The following CDC7 variants were observed in gnomAD, a reference collection of about 807,000 sequenced individuals.
CDC7 encodes the protein cell division cycle 7.
Under a neutral mutation model 53.5 loss-of-function variants are expected in CDC7, and 34 were observed. The observed-to-expected ratio is 0.64, with a 90% confidence interval of 0.48 to 0.85. The LOEUF is 0.85. Ranked by LOEUF, CDC7 falls within the 40% of genes least tolerant of loss-of-function variation. The probability of loss-of-function intolerance (pLI) is 0.00; values close to 1 mark genes in which losing one functional copy is unlikely to be tolerated. For synonymous variants in CDC7, 211 were observed against 222.8 expected, an observed-to-expected ratio of 0.95 and a Z score of 0.47; for missense variants, 594 against 679.7, an observed-to-expected ratio of 0.87 and a Z score of 1.40.
chr1:91,512,768 G>A (rs1490415680), intron 6 of CDC7, among the ~76,000 whole-genome samples: 1 of 152,012 alleles, frequency 6.6e-6, no homozygotes, highest in Admixed American at 6.6e-5. Context: ...CACCATCAGA[G>A]AACAACGGAC....
chr1:91,504,131 T>C (rs1666854226), intron 2 of CDC7, among the ~76,000 whole-genome samples: 1 of 148,594 alleles, frequency 6.7e-6, no homozygotes, highest in Non-Finnish European at 1.5e-5. Flanking sequence ...TGAGACATGG[T>C]CTCTCTGTCA....
chr1:91,501,126 C>T (rs966714226), intron 1 of CDC7, 178 bp downstream of exon 1: 1 of 152,296 alleles, frequency 6.6e-6, no homozygotes, highest in South Asian at 2.1e-4. Flanking sequence ...CGGTCTCTGG[C>T]CCGAGGGAAG....
rs1176579643 is a variant in CDC7 at position 91,501,742 on chromosome 1, T to C, written c.26T>C (p.Met9Thr). Residue 9 changes from methionine (M) to threonine (T), a missense_variant, in exon 2 of 12, where the codon ATG (methionine) becomes ACG (threonine). Physicochemically the swap from Met to Thr is moderately conservative, Grantham distance 81. Transcript: ENST00000234626. ...ATGGAGGCGTCTTTGGGGATTCAGA[T>C]GGATGAGCCAATGGCTTTTTCTCCC... MEASLGIQ[M>T]DEPMAFSPQR... is the part of the protein sequence containing the mutation. 2.5e-6 allele frequency: 4 copies of C among 1,613,944 alleles called. No homozygotes were observed. The highest frequency in any genetic ancestry group is 3.4e-6 in the Non-Finnish European group (4 of 1,179,988).
chr1:91,504,941 TAGAC>T (rs372077207), intron 2 of CDC7, among the ~76,000 whole-genome samples: 14 of 152,082 alleles, frequency 9.2e-5, no homozygotes, highest in Admixed American at 1.3e-4. Flanking sequence ...AGTTAGACAA[TAGAC>T]AGAGAGTAAA....
intron 9 of CDC7, 106 bp downstream of exon 9, chr1:91,515,103 T>G: frequency 1.3e-6 from 1 of 769,592 alleles, no homozygotes; most frequent in Middle Eastern, 2.4e-4. Flanking sequence ...TTCAGATCAG[T>G]GAACTGCAAT....
intron 2 of CDC7, 113 bp from the exon 3 acceptor site, chr1:91,507,741 G>C: frequency 2.9e-6 from 2 of 700,252 alleles, no homozygotes; most frequent in Non-Finnish European, 4.6e-6. Context: ...TAAAACTTAT[G>C]TATAATTAAT....
At chr1:91,512,393 CAGACTT>C (rs13447508) in intron 6 of CDC7, among the ~76,000 whole-genome samples, 42,885 of 151,600 alleles carry the variant, frequency 0.28, 6,226 homozygotes, top group East Asian at 0.47. Context: ...CATGAACTAA[CAGACTT>C]AGAGTCTAAT....
In CDC7 at chr1:91,501,659, T is replaced by C; in HGVS notation, c.-58T>C. ...TAGTGTTCTAATTTTCACAGCTGCT[T>C]TGCTCCCCCTGTGGATGTAACCCCT... On this transcript the variant is annotated 5_prime_UTR_variant, in exon 2 of 12. Coordinates refer to ENST00000234626, the MANE Select transcript of CDC7 (RefSeq NM_003503.4). 1.7e-6 allele frequency: 2 copies of C among 1,206,310 alleles called. No individual in the cohort carries two copies. Among genetic ancestry groups the C allele is most frequent in the Non-Finnish European group, 2.4e-6 (2 of 818,782 alleles). The allele number at this position is 1,206,310 out of a possible 1,614,324, so 74.7% of individuals were successfully genotyped here.
chr1:91,507,690 T>G (rs1196085687), intron 2 of CDC7, among the ~76,000 whole-genome samples, 164 bp from the exon 3 acceptor site: 2 of 152,162 alleles, frequency 1.3e-5, no homozygotes, highest in Non-Finnish European at 2.9e-5. Flanking sequence ...TGTGTGTGAG[T>G]TATAGCAACT....
chr1:91,521,603 T>C (rs867808604), intron 11 of CDC7, among the ~76,000 whole-genome samples: 14 of 152,230 alleles, frequency 9.2e-5, no homozygotes, highest in African/African-American at 1.4e-4. Flanking sequence ...ATGGCATTCT[T>C]ACATAATAAT....
intron 9 of CDC7, 105 bp from the exon 10 acceptor site, chr1:91,515,689 A>T: frequency 7.7e-7 from 1 of 1,301,762 alleles, no homozygotes; most frequent in Non-Finnish European, 1.1e-6. Flanking sequence ...CTTATTATAT[A>T]GGTATCAAGG....
At chr1:91,514,344 C>T (rs939030400) in intron 8 of CDC7, among the ~76,000 whole-genome samples, 1 of 152,080 alleles carries the variant, frequency 6.6e-6, no homozygotes, top group Non-Finnish European at 1.5e-5. Context: ...AGTTAGCTAA[C>T]TATTCTGACA....
rs564153613 is a variant in CDC7 at position 91,512,956 on chromosome 1, CA to C, written c.573-97del. On this transcript the variant is annotated intron_variant, in intron 6 of 11. Transcript: ENST00000234626. ...AATGTTATAAATTCCTAATTGATCC[CA>C]AAAAGAATTACAGTTTTTATGAGGA... is the stretch of plus-strand genomic sequence containing the variant. The C allele has an allele frequency of 3.5e-4, 343 of 978,468 alleles. No individual in the cohort carries two copies. In the East Asian group the frequency reaches 7.3e-3, roughly 21 times the overall value. 60.6% of individuals were successfully genotyped at this position (978,468 alleles called of 1,614,324 possible). A position where few individuals can be genotyped will look rare whatever the true frequency, so the allele number is the denominator to read the frequency against.
In CDC7 at chr1:91,511,912, G is replaced by A. The variant is rs1477271039; in HGVS notation, c.561G>A (p.Arg187=). The A allele has an allele frequency of 1.3e-6, 2 of 1,577,328 alleles. No homozygotes were observed. The highest frequency in any genetic ancestry group is 1.4e-5 in the African/African-American group (1 of 73,916). Residue 187 remains arginine, a synonymous_variant, in exon 6 of 12, where the codon AGG becomes AGA. Transcript: ENST00000234626. ...DVKPSNFLYN[R]RLKKYALVDF... ...AGCCCAGCAATTTTTTATATAATAG[G>A]CGCCTGAAAAAGTAAGTATGAAGAG...
intron 5 of CDC7, 27 bp from the exon 6 acceptor site, chr1:91,511,754 C>A (rs907173187): frequency 1.2e-4 from 178 of 1,455,808 alleles, no homozygotes; most frequent in Non-Finnish European, 1.6e-4. Flanking sequence ...ATATTTGTAA[C>A]TCATTTCATT....
At chr1:91,516,851 G>T (rs13447524) in intron 10 of CDC7, among the ~76,000 whole-genome samples, 18 of 152,274 alleles carry the variant, frequency 1.2e-4, no homozygotes, top group African/African-American at 4.3e-4. Context: ...GATCACCTGA[G>T]ATCAGGAGTT....
intron 2 of CDC7, among the ~76,000 whole-genome samples, chr1:91,502,498 A>C (rs986340684): frequency 6.6e-6 from 1 of 152,054 alleles, no homozygotes; most frequent in African/African-American, 2.4e-5. Flanking sequence ...TCTTTGTCTT[A>C]AGTGAATTCT....
chr1:91,508,439 T>A, intron 4 of CDC7, 42 bp downstream of exon 4: 1 of 1,478,928 alleles, frequency 6.8e-7, no homozygotes. Context: ...TGTATATAAT[T>A]TATAAGATTT....
chr1:91,524,148 C>T lies in CDC7; in HGVS notation c.1438C>T (p.Gln480Ter). 2 of 1,613,986 alleles carry T rather than the reference C, an allele frequency of 1.2e-6. No individual in the cohort carries two copies. Among genetic ancestry groups the T allele is most frequent in the Non-Finnish European group, 8.5e-7 (1 of 1,179,950 alleles). Residue 480 changes from glutamine to a stop codon, truncating the protein, a stop_gained, in exon 12 of 12, where the codon CAA (glutamine) becomes TAA (stop). Transcript: ENST00000234626. LOFTEE classifies it low-confidence loss of function (END_TRUNC). ...CACTCCCAAGTTAACAAGTGATATA[C>T]AAGGGCATGCTTCTCATCAACCAGC... Reference protein sequence around the residue: ...SSTPKLTSDIQGHASHQPAIS... With the variant: ...SSTPKLTSDI
Sources: allele counts gnomAD v4.1 joint callset (sites outside exome capture counted in the v4.1 genomes callset), GRCh38; gene constraint gnomAD v4.1.1; transcripts MANE v1.5; gene names NCBI Gene and HGNC (gene_info 2026-07-23, HGNC 2026-07-21).